The following HSD17B4 variants were observed in gnomAD, a reference collection of about 807,000 sequenced individuals.
HSD17B4 encodes peroxisomal multifunctional enzyme type 2.
In HSD17B4, 70 loss-of-function variants were observed where a neutral mutation model predicts 101.0. The observed-to-expected ratio is 0.69, with a 90% confidence interval of 0.57 to 0.85. The LOEUF (loss-of-function observed/expected upper bound fraction) is 0.85. HSD17B4 is among the 40% of genes least tolerant of loss of function. The pLI is 0.00. For missense variants in HSD17B4, 984 were observed against 892.4 expected, an observed-to-expected ratio of 1.10 and a Z score of -1.31; for synonymous variants, 347 against 297.1, an observed-to-expected ratio of 1.17 and a Z score of -1.73.
rs183348210 is a variant in HSD17B4, at chr5:119,474,041, A to G, written c.220+26A>G. On this transcript the variant is annotated intron_variant, in intron 3 of 23. Coordinates refer to ENST00000510025, the MANE Select transcript of HSD17B4 (RefSeq NM_000414.4). Reference sequence around the variant, plus strand: ...GTATGGTATTTGAGAGAACTATACTATTTATTTTCCTTCAACTAATGCTAT... The same window carrying G: ...GTATGGTATTTGAGAGAACTATACTGTTTATTTTCCTTCAACTAATGCTAT... 402 of 1,193,120 alleles carry G rather than the reference A, an allele frequency of 3.4e-4. 2 individuals carry two copies. The African/African-American group carries it at 5.0e-3, about 15-fold the overall frequency. The allele number at this position is 1,193,120 out of a possible 1,614,324, so 73.9% of individuals were successfully genotyped here.
At chr5:119,471,544 T>G (rs1756367023) in intron 2 of HSD17B4, 3 of 495,822 alleles carry the variant, frequency 6.1e-6, no homozygotes, top group East Asian at 7.0e-5. Context: ...AAAAAAAATC[T>G]TGTTTAAAAA....
intron 2 of HSD17B4, among the ~76,000 whole-genome samples, chr5:119,463,198 T>C (rs1227788511): frequency 1.3e-5 from 2 of 152,236 alleles, no homozygotes; most frequent in Non-Finnish European, 2.9e-5. Flanking sequence ...ATTTTTTTAA[T>C]GGCCAAATAG....
intron 12 of HSD17B4, among the ~76,000 whole-genome samples, chr5:119,498,615 C>T (rs754214254): frequency 4.5e-4 from 69 of 152,170 alleles, no homozygotes; most frequent in Non-Finnish European, 6.8e-4. Context: ...CAGTGGCTCA[C>T]GCCTGTAATC....
chr5:119,541,983 G>C lies in HSD17B4; in HGVS notation c.2200G>C (p.Ala734Pro), dbSNP rs751064948. 24 of 1,608,506 alleles carry C rather than the reference G, an allele frequency of 1.5e-5. No homozygotes were observed. The highest frequency in any genetic ancestry group is 1.8e-5 in the Non-Finnish European group (21 of 1,175,508). Reference protein sequence around the residue: ...QKLQMILKDYAKL With the variant: ...QKLQMILKDYPKL ...ACTTCAGATGATTCTTAAAGACTAC[G>C]CCAAGCTCTGAAGGGCACACTACAC... The change falls in exon 24 of 24, where the codon GCC (alanine) becomes CCC (proline). Residue 734 changes from alanine (A) to proline (P), a missense_variant. By Grantham distance (27) the Ala-to-Pro change is conservative. Coordinates refer to ENST00000510025, the MANE Select transcript of HSD17B4 (RefSeq NM_000414.4).
chr5:119,473,987 G>C lies in HSD17B4; in HGVS notation c.192G>C (p.Arg64Ser), dbSNP rs1294462098. Residue 64 changes from arginine (R) to serine (S), a missense_variant, in exon 3 of 24, where the codon AGG becomes AGC. By Grantham distance (110) the Arg-to-Ser change is moderately radical (BLOSUM62 -1). Coordinates refer to ENST00000510025, the MANE Select transcript of HSD17B4 (RefSeq NM_000414.4). Reference sequence around the variant, plus strand: ...ATAAGGTTGTTGAAGAAATAAGAAGGAGAGGTGGAAAAGCAGTGGCCAACT... The same window carrying C: ...ATAAGGTTGTTGAAGAAATAAGAAGCAGAGGTGGAAAAGCAGTGGCCAACT... ...AADKVVEEIR[R>S]RGGKAVANYD... is the part of the protein sequence containing the mutation. The C allele has an allele frequency of 1.2e-6, 2 of 1,609,744 alleles. No homozygotes were observed. Among genetic ancestry groups the C allele is most frequent in the Non-Finnish European group, 1.7e-6 (2 of 1,176,250 alleles).
chr5:119,527,470 G>T (rs1753708076), intron 20 of HSD17B4, among the ~76,000 whole-genome samples: 2 of 151,964 alleles, frequency 1.3e-5, no homozygotes, highest in Admixed American at 1.3e-4. Flanking sequence ...AGCTATCTAT[G>T]TAGCAGTGGC....
chr5:119,466,948 G>A (rs1755874464), intron 2 of HSD17B4, among the ~76,000 whole-genome samples: 2 of 152,090 alleles, frequency 1.3e-5, no homozygotes. Flanking sequence ...TGCTTTTGCT[G>A]TATTTCATAG....
At chr5:119,489,394 A>G in intron 9 of HSD17B4, 111 bp downstream of exon 9, 1 of 761,948 alleles carries the variant, frequency 1.3e-6, no homozygotes, top group South Asian at 1.5e-5. Context: ...TGTCTATGTT[A>G]TAATTAAAAG....
chr5:119,475,919 C>T (rs1367676166), intron 6 of HSD17B4, 49 bp downstream of exon 6: 1 of 1,341,538 alleles, frequency 7.5e-7, no homozygotes, highest in Middle Eastern at 1.9e-4. Flanking sequence ...TCCATTTAGC[C>T]TTTTTAGTAT....
intron 6 of HSD17B4, chr5:119,476,447 C>A: frequency 2.2e-6 from 1 of 458,932 alleles, no homozygotes; most frequent in Non-Finnish European, 2.9e-6. Flanking sequence ...CATTGGCCAT[C>A]AGAACTAAAA....
chr5:119,473,065 T>C (rs1383631901), intron 2 of HSD17B4, among the ~76,000 whole-genome samples: 3 of 152,150 alleles, frequency 2.0e-5, no homozygotes, highest in Admixed American at 2.0e-4. Flanking sequence ...TTAGCTATTG[T>C]GAATTGTGTT....
rs191146403 is a variant in HSD17B4 at position 119,480,079 on chromosome 5, C to T, written c.622+1058C>T. On this transcript the variant is annotated intron_variant, in intron 8 of 23. Transcript: ENST00000510025. The stretch of plus-strand genomic sequence containing the variant: ...TCTTATTGTTTTAATTTGCACTTAC[C>T]TAGTGACATATGTTATTGAACATTT... 2.0e-5 allele frequency among the ~76,000 whole-genome samples: 3 copies of T among 152,106 alleles called. No homozygotes were observed. The East Asian group carries it at 5.8e-4, about 29-fold the overall frequency.
chr5:119,462,563 GTTATTA>G (rs562231089), intron 2 of HSD17B4, among the ~76,000 whole-genome samples: 1 of 152,090 alleles, frequency 6.6e-6, no homozygotes, highest in East Asian at 1.9e-4. Flanking sequence ...ATCAGTATAA[GTTATTA>G]TTATTACTAC....
chr5:119,492,154 A>G, intron 10 of HSD17B4, 30 bp downstream of exon 10: 1 of 1,560,202 alleles, frequency 6.4e-7, no homozygotes. Context: ...TGGTTTGTAT[A>G]GATTATTTCC....
rs112466766 is a variant in HSD17B4, at chr5:119,469,301, CT to C, written c.113-4595del. On this transcript the variant is annotated intron_variant, in intron 2 of 23. Transcript: ENST00000510025. ...TGTGTTTCCCTGTTTTTCCATGTTT[CT>C]TTTTTTTTTTTAACTTAAAAAAAGT... is the stretch of plus-strand genomic sequence containing the variant. Among the ~76,000 whole-genome samples the C allele has an allele frequency of 9.2e-3, 1,270 of 138,234 alleles. 4 individuals are homozygous for C. The highest frequency in any genetic ancestry group is 0.033 in the Middle Eastern group (9 of 272). 90.7% of individuals were successfully genotyped at this position (138,234 alleles called of 152,430 possible).
intron 8 of HSD17B4, among the ~76,000 whole-genome samples, chr5:119,485,197 T>C (rs1749507546): frequency 6.6e-6 from 1 of 152,166 alleles, no homozygotes; most frequent in Admixed American, 6.6e-5. Flanking sequence ...TTTTTACCTT[T>C]AGTCACTTTT....
chr5:119,487,226 A>G (rs1237262749), intron 8 of HSD17B4: 1 of 145,554 alleles, frequency 6.9e-6, no homozygotes, highest in Non-Finnish European at 1.5e-5. Context: ...ATGTAGCACT[A>G]GGGACTCTTT....
intron 11 of HSD17B4, 121 bp downstream of exon 11, chr5:119,494,067 C>CAGAAA: frequency 3.2e-6 from 3 of 951,772 alleles, no homozygotes; most frequent in Non-Finnish European, 5.0e-6. Context: ...TCGTCTATAG[C>CAGAAA]ATATTTTCTG....
In HSD17B4 at chr5:119,452,532, A is replaced by T. The variant is rs372762766; in HGVS notation, c.-44A>T. On this transcript the variant is annotated 5_prime_UTR_variant, in exon 1 of 24. Coordinates refer to ENST00000510025, the MANE Select transcript of HSD17B4 (RefSeq NM_000414.4). The stretch of plus-strand genomic sequence containing the variant: ...TCCTCCTGTCCCGCAGTCGGCGTCC[A>T]GCGGCTCTGCTTGTTCGTGTGTGTG... 6.2e-7 allele frequency: 1 copy of T among 1,613,480 alleles called. No individual in the cohort carries two copies. Among genetic ancestry groups the T allele is most frequent in the South Asian group, 1.1e-5 (1 of 91,062 alleles).
Sources: allele counts gnomAD v4.1 joint callset (sites outside exome capture counted in the v4.1 genomes callset), GRCh38; gene constraint gnomAD v4.1.1; transcripts MANE v1.5; gene names NCBI Gene and HGNC (gene_info 2026-07-23, HGNC 2026-07-21).